The following CDH23 variants were observed in gnomAD, a reference collection of about 807,000 sequenced individuals.
CDH23 encodes the protein cadherin-23.
CDH23 carries 189 observed loss-of-function variants against 317.1 expected under a neutral mutation model. The observed-to-expected ratio is 0.60, with a 90% CI of 0.53 to 0.67. The LOEUF (loss-of-function observed/expected upper bound fraction) is 0.67. CDH23 is among the 30% of genes least tolerant of loss of function. CDH23 has a pLI of 0.00. For missense variants in CDH23, 4,401 were observed against 4,592.4 expected (o/e 0.96, Z 1.20); for synonymous variants, 1,839 against 1,876.8 (o/e 0.98, Z 0.52).
At position 71,546,291 on chromosome 10, in the gene CDH23, G is replaced by A. The variant is rs140726475; in HGVS notation, c.430-20451G>A. On this transcript the variant is annotated intron_variant, in intron 6 of 69. Coordinates refer to ENST00000224721, the MANE Select transcript of CDH23 (RefSeq NM_022124.6). ...ACCTTTAGAGCTTGTGGAGACATTC[G>A]TAAAAGAAACAGAGGCATTTGCTCG... 3.9e-3 allele frequency among the ~76,000 whole-genome samples: 588 copies of A among 152,262 alleles called. 2 individuals carry two copies. Among genetic ancestry groups the A allele is most frequent in the African/African-American group, 0.013 (538 of 41,546 alleles).
intron 6 of CDH23, among the ~76,000 whole-genome samples, chr10:71,538,117 G>A (rs1365813508): frequency 6.6e-6 from 1 of 152,230 alleles, no homozygotes; most frequent in Non-Finnish European, 1.5e-5. Context: ...AGATACGCAG[G>A]TCTGCATTGC....
chr10:71,433,758 C>T (rs1285363721), intron 1 of CDH23, among the ~76,000 whole-genome samples: 1 of 75,278 alleles, frequency 1.3e-5, no homozygotes, highest in Non-Finnish European at 3.9e-5. Flanking sequence ...AGCCAGATCC[C>T]CACCAGCAGG....
At chr10:71,576,438 G>T (rs557933354) in intron 8 of CDH23, among the ~76,000 whole-genome samples, 1 of 152,124 alleles carries the variant, frequency 6.6e-6, no homozygotes, top group Non-Finnish European at 1.5e-5. Context: ...TAGAGGAGGG[G>T]TAGCTTGCCC....
intron 60 of CDH23, 85 bp from the exon 61 acceptor site, chr10:71,809,735 C>A: frequency 6.5e-7 from 1 of 1,541,232 alleles, no homozygotes; most frequent in Non-Finnish European, 8.7e-7. Context: ...CTAGATGTGC[C>A]CACCTACCCC....
At chr10:71,438,347 C>CAAAAAAAAA (rs10596696) in intron 1 of CDH23, among the ~76,000 whole-genome samples, 30 of 98,250 alleles carry the variant, frequency 3.1e-4, no homozygotes, top group South Asian at 6.4e-4. Flanking sequence ...CTGTCTCAAA[C>CAAAAAAAAA]AAAAAAAAAA....
At chr10:71,805,760 G>A in intron 55 of CDH23, 46 bp from the exon 56 acceptor site, 1 of 1,560,500 alleles carries the variant, frequency 6.4e-7, no homozygotes. Context: ...TAGGAGCTGA[G>A]ATTCTTTCAG....
intron 37 of CDH23, 48 bp from the exon 38 acceptor site, chr10:71,741,646 C>T (rs2132847277): frequency 1.3e-6 from 2 of 1,521,442 alleles, no homozygotes; most frequent in Non-Finnish European, 1.8e-6. Flanking sequence ...CCAGACTGTG[C>T]CCCAATGCCT....
At chr10:71,801,462 T>C (rs1841557517) in intron 53 of CDH23, among the ~76,000 whole-genome samples, 1 of 151,988 alleles carries the variant, frequency 6.6e-6, no homozygotes, top group South Asian at 2.1e-4. Flanking sequence ...CCTATTTATG[T>C]CTCTTAAAGA....
Position 71,751,365 on chromosome 10 carries a change from G to A in CDH23, c.4845+9444G>A. ...CTCAACCCCACCCCGTGAGGCCGTG[G>A]AACTCTTCAGGGAGGTGAATGGGGG... On this transcript the variant is annotated intron_variant, in intron 38 of 69. Coordinates refer to ENST00000224721, the MANE Select transcript of CDH23 (RefSeq NM_022124.6). This position sits in a 1 kb window ranked among gnomAD's most constrained non-coding sequence, Gnocchi z 4.9. 7.1e-7 allele frequency: 1 copy of A among 1,415,754 alleles called. No individual in the cohort carries two copies. 87.7% of individuals were successfully genotyped at this position (1,415,754 alleles called of 1,614,324 possible). A position where few individuals can be genotyped will look rare whatever the true frequency, so the allele number is the denominator to read the frequency against.
intron 56 of CDH23, 38 bp downstream of exon 56, chr10:71,806,035 G>C: frequency 6.5e-7 from 1 of 1,545,702 alleles, no homozygotes; most frequent in Non-Finnish European, 8.7e-7. Flanking sequence ...GGGGTCTGGG[G>C]CGGGGCTTTC....
intron 6 of CDH23, among the ~76,000 whole-genome samples, chr10:71,566,466 G>A (rs1270068106): frequency 1.3e-5 from 2 of 152,004 alleles, no homozygotes; most frequent in Admixed American, 6.5e-5. Flanking sequence ...AACAGGTTTG[G>A]GGACCGTAAG....
chr10:71,809,466 C>T (rs1348919434), intron 60 of CDH23, among the ~76,000 whole-genome samples: 1 of 152,116 alleles, frequency 6.6e-6, no homozygotes, highest in African/African-American at 2.4e-5. Context: ...GCGTGAGCCA[C>T]CACACCCGGG....
At chr10:71,665,338 C>T (rs954264161) in intron 14 of CDH23, among the ~76,000 whole-genome samples, 9 of 152,220 alleles carry the variant, frequency 5.9e-5, no homozygotes, top group Non-Finnish European at 1.0e-4. Context: ...CACTGCCTCC[C>T]ACTACCCCTG....
chr10:71,678,093 A>G (rs776009814), intron 16 of CDH23, among the ~76,000 whole-genome samples: 3 of 152,154 alleles, frequency 2.0e-5, no homozygotes, highest in Non-Finnish European at 2.9e-5. Context: ...GGCTTTATAC[A>G]CAGTGTCTGT....
chr10:71,423,490 C>A (rs538457780), intron 1 of CDH23, among the ~76,000 whole-genome samples: 11 of 152,234 alleles, frequency 7.2e-5, no homozygotes, highest in African/African-American at 2.4e-4. Context: ...TGGCTGGGCT[C>A]CTGTGAGGAG....
At chr10:71,604,978 G>C (rs1860444009) in intron 9 of CDH23, among the ~76,000 whole-genome samples, 1 of 152,172 alleles carries the variant, frequency 6.6e-6, no homozygotes, top group African/African-American at 2.4e-5. Context: ...TAGTAATTGT[G>C]GTAACCCAGG....
At chr10:71,755,410 G>A in intron 38 of CDH23, 1 of 1,613,542 alleles carries the variant, frequency 6.2e-7, no homozygotes, top group Non-Finnish European at 8.5e-7. Context: ...AGGATGAGGG[G>A]GAGGCAGAGG....
chr10:71,409,052 T>C (rs1589270983), intron 1 of CDH23, among the ~76,000 whole-genome samples: 2 of 152,358 alleles, frequency 1.3e-5, no homozygotes, highest in Admixed American at 1.3e-4. Context: ...TTTGCTGAAC[T>C]GGATATCAGG....
At chr10:71,489,912 G>T (rs1699777362) in intron 3 of CDH23, among the ~76,000 whole-genome samples, 1 of 152,024 alleles carries the variant, frequency 6.6e-6, no homozygotes, top group Non-Finnish European at 1.5e-5. Flanking sequence ...CGATTTCAGA[G>T]AGTTCATTTT....
Sources: gnomAD v4.1 joint callset for allele counts (sites outside exome capture counted in the v4.1 genomes callset) on GRCh38, gnomAD v4.1.1 for gene constraint, Gnocchi (gnomAD v3.1) non-coding constraint, MANE v1.5 for transcripts, NCBI Gene and HGNC (gene_info 2026-07-23, HGNC 2026-07-21) for gene names.